The following NLGN1 variants were observed in gnomAD, a reference collection of about 807,000 sequenced individuals.
NLGN1 encodes the protein neuroligin-1.
In NLGN1, 12 loss-of-function variants were observed where a neutral mutation model predicts 65.5. That is an observed-to-expected ratio of 0.18 (90% CI 0.12 to 0.30). The LOEUF is 0.30. Among genes scored for constraint, NLGN1 ranks in the 10% least tolerant of loss-of-function variants. NLGN1 has a pLI of 1.00. For synonymous variants in NLGN1, 350 were observed against 359.5 expected (o/e 0.97, Z 0.30); for missense variants, 750 against 1,007.1 (o/e 0.74, Z 3.46).
At chr3:174,200,311 G>C (rs187939599) in intron 4 of NLGN1, among the ~76,000 whole-genome samples, 9 of 152,260 alleles carry the variant, frequency 5.9e-5, no homozygotes, top group Middle Eastern at 3.4e-3. Context: ...CAGAATATTA[G>C]CTATTCAACT....
At position 173,777,607 on chromosome 3, in the gene NLGN1, TTCTG is replaced by T. The variant is rs149878598; in HGVS notation, c.494-30049_494-30046del. On this transcript the variant is annotated intron_variant, in intron 3 of 6. Transcript: ENST00000457714. Reference sequence around the variant, plus strand: ...CTGTGCAATAGAAGACCAGAATGTATTCTGTCTGTCTGTCTGTCTGTCTGTCTAT... The same window carrying T: ...CTGTGCAATAGAAGACCAGAATGTATTCTGTCTGTCTGTCTGTCTGTCTAT... Among the ~76,000 whole-genome samples the T allele has an allele frequency of 1.6e-3, 237 of 149,696 alleles. 1 individual carries two copies. Among genetic ancestry groups the T allele is most frequent in the South Asian group, 6.7e-3 (32 of 4,752 alleles).
At chr3:173,449,562 G>C (rs530194116) in intron 2 of NLGN1, among the ~76,000 whole-genome samples, 1 of 152,304 alleles carries the variant, frequency 6.6e-6, no homozygotes, top group African/African-American at 2.4e-5. Flanking sequence ...GGAGAGTTCT[G>C]TAGATGTCTA....
chr3:173,795,008 G>A (rs910630934), intron 3 of NLGN1, among the ~76,000 whole-genome samples: 1 of 151,950 alleles, frequency 6.6e-6, no homozygotes, highest in African/African-American at 2.4e-5. Context: ...TCTTACCTCT[G>A]AAAAACTGTC....
chr3:173,724,987 A>C (rs1771521064), intron 3 of NLGN1, among the ~76,000 whole-genome samples: 1 of 151,922 alleles, frequency 6.6e-6, no homozygotes, highest in African/African-American at 2.4e-5. Context: ...AACAATGAGA[A>C]CACTTGGAAA....
At chr3:173,888,317 A>G (rs538734934) in intron 4 of NLGN1, among the ~76,000 whole-genome samples, 1 of 152,216 alleles carries the variant, frequency 6.6e-6, no homozygotes, top group East Asian at 1.9e-4. Flanking sequence ...TAGTATTTGC[A>G]TATAACCTAA....
chr3:173,934,947 T>G (rs564204586), intron 4 of NLGN1, among the ~76,000 whole-genome samples: 1 of 152,188 alleles, frequency 6.6e-6, no homozygotes, highest in Non-Finnish European at 1.5e-5. Flanking sequence ...TTCAAAAATT[T>G]ATTGCAACCT....
rs1009369531 is a variant in NLGN1 at position 173,498,300 on chromosome 3, C to T, written c.-321+63222C>T. 1.7e-4 allele frequency among the ~76,000 whole-genome samples: 26 copies of T among 151,476 alleles called. 2 individuals are homozygous for T. Among genetic ancestry groups the T allele is most frequent in the South Asian group, 6.2e-4 (3 of 4,816 alleles). ...ATTCCCACCTATGAGTGACAACATG[C>T]GGTGTTGGGTTTTTTGTCCTTGTGA... On this transcript the variant is annotated intron_variant, in intron 2 of 6. Coordinates refer to ENST00000457714, the Ensembl canonical transcript of NLGN1.
At position 173,998,193 on chromosome 3, in the gene NLGN1, A is replaced by G. The variant is rs375670376; in HGVS notation, c.646+190361A>G. On this transcript the variant is annotated intron_variant, in intron 4 of 6. Transcript: ENST00000457714. ...GGGTCACAGGCAGCCTTTCCATCCT[A>G]GACAACCTGCTTTCAAAGCAGTCAT... 1.1e-4 allele frequency among the ~76,000 whole-genome samples: 16 copies of G among 152,282 alleles called. No individual in the cohort carries two copies. The East Asian group carries it at 2.3e-3, about 22-fold the overall frequency.
At chr3:174,240,034 A>C (rs1269185755) in intron 4 of NLGN1, among the ~76,000 whole-genome samples, 1 of 152,182 alleles carries the variant, frequency 6.6e-6, no homozygotes, top group Non-Finnish European at 1.5e-5. Flanking sequence ...TTAACTCTGA[A>C]ACAGAGGCAT....
chr3:174,275,214 T>C, intron 4 of NLGN1, 101 bp from the exon 5 acceptor site: 1 of 802,842 alleles, frequency 1.2e-6, no homozygotes, highest in Non-Finnish European at 2.0e-6. Context: ...GAACTTGGAC[T>C]GTCCCTACCT....
chr3:173,882,880 C>T (rs1315727838), intron 4 of NLGN1, among the ~76,000 whole-genome samples: 1 of 151,330 alleles, frequency 6.6e-6, no homozygotes, highest in Admixed American at 6.6e-5. Flanking sequence ...ATGTCTTTCT[C>T]ACTATGTTTA....
At chr3:173,681,761 G>C (rs1763976626) in intron 3 of NLGN1, among the ~76,000 whole-genome samples, 1 of 152,182 alleles carries the variant, frequency 6.6e-6, no homozygotes, top group Admixed American at 6.5e-5. Context: ...ATACTGAACA[G>C]ACAGTAACCC....
At chr3:174,080,226 C>A (rs1741869357) in intron 4 of NLGN1, among the ~76,000 whole-genome samples, 1 of 152,004 alleles carries the variant, frequency 6.6e-6, no homozygotes, top group African/African-American at 2.4e-5. Flanking sequence ...ATAAATTAAC[C>A]CTTTCCTATA....
chr3:173,685,924 A>G (rs1764620141), intron 3 of NLGN1: 1 of 529,938 alleles, frequency 1.9e-6, no homozygotes, highest in South Asian at 8.1e-5. Context: ...ACCTGAATTT[A>G]TGATGTGGGA....
At chr3:174,259,703 C>T (rs181961136) in intron 4 of NLGN1, among the ~76,000 whole-genome samples, 4,038 of 150,558 alleles carry the variant, frequency 0.027, 178 homozygotes, top group African/African-American at 0.093. Context: ...TTTAATTATA[C>T]TTTAGGTTTT....
intron 2 of NLGN1, among the ~76,000 whole-genome samples, chr3:173,550,892 A>G (rs929997402): frequency 6.6e-6 from 1 of 152,194 alleles, no homozygotes; most frequent in Non-Finnish European, 1.5e-5. Context: ...TATAAGGGAT[A>G]CATTTTTATT....
At chr3:173,473,531 C>T (rs76706903) in intron 2 of NLGN1, among the ~76,000 whole-genome samples, 2,781 of 152,256 alleles carry the variant, frequency 0.018, 38 homozygotes, top group Middle Eastern at 0.031. Context: ...CTATTTACTT[C>T]ACTAAAATAG....
At chr3:173,735,778 C>G (rs1773643750) in intron 3 of NLGN1, among the ~76,000 whole-genome samples, 1 of 152,076 alleles carries the variant, frequency 6.6e-6, no homozygotes, top group South Asian at 2.1e-4. Flanking sequence ...ACTTGTCACT[C>G]TTAGGGCCAA....
At chr3:173,682,011 A>C (rs1764007983) in intron 3 of NLGN1, among the ~76,000 whole-genome samples, 2 of 152,146 alleles carry the variant, frequency 1.3e-5, no homozygotes, top group South Asian at 4.1e-4. Flanking sequence ...TTAGTAGGAA[A>C]ATAGGCTGTG....
Sources: allele counts gnomAD v4.1 joint callset (sites outside exome capture counted in the v4.1 genomes callset), GRCh38; gene constraint gnomAD v4.1.1; transcripts MANE v1.5; gene names NCBI Gene and HGNC (gene_info 2026-07-23, HGNC 2026-07-21).